The following DGLUCY variants were observed in gnomAD, a reference collection of about 807,000 sequenced individuals.
DGLUCY encodes D-glutamate cyclase.
A neutral mutation model predicts 58.5 loss-of-function variants in DGLUCY; 58 were observed. The observed-to-expected ratio is 0.99, with a 90% CI of 0.80 to 1.23. DGLUCY has a LOEUF of 1.23. Among genes scored for constraint, DGLUCY ranks in the 50% most tolerant of loss-of-function variants. DGLUCY has a pLI of 0.00. For missense variants in DGLUCY, 779 were observed against 784.7 expected (o/e 0.99, Z 0.09); for synonymous variants, 325 against 314.1 (o/e 1.03, Z -0.37).
chr14:91,195,389 A>C (rs2050139462), intron 9 of DGLUCY, among the ~76,000 whole-genome samples: 1 of 152,144 alleles, frequency 6.6e-6, no homozygotes, highest in Non-Finnish European at 1.5e-5. Context: ...TTGTCATTAG[A>C]AAAGGTCCTA....
chr14:91,060,639 C>T (rs946094126), exon 1 of DGLUCY: 2 of 625,208 alleles, frequency 3.2e-6, no homozygotes, highest in Non-Finnish European at 4.6e-6. Flanking sequence ...CCGCTAGTAC[C>T]GCGCAACCAA....
intron 4 of DGLUCY, 199 bp downstream of exon 4, chr14:91,167,577 G>A (rs1035663337): frequency 2.7e-6 from 2 of 752,294 alleles, no homozygotes; most frequent in Admixed American, 2.0e-5. Context: ...CCTGGCGCCT[G>A]TCCTGGCTGA....
At chr14:91,061,016 G>A (rs2043658246) in intron 1 of DGLUCY, 1 of 152,418 alleles carries the variant, frequency 6.6e-6, no homozygotes, top group South Asian at 2.0e-4. Context: ...GTGTCTAGTA[G>A]TCAGGAGGCG....
intron 8 of DGLUCY, among the ~76,000 whole-genome samples, 186 bp from the exon 9 acceptor site, chr14:91,188,724 G>C (rs927865640): frequency 1.3e-5 from 2 of 152,138 alleles, no homozygotes; most frequent in Non-Finnish European, 2.9e-5. Context: ...AGTTGTTCAG[G>C]AGGGTGAGGC....
At chr14:91,191,423 C>T (rs972870086) in intron 9 of DGLUCY, among the ~76,000 whole-genome samples, 1 of 152,102 alleles carries the variant, frequency 6.6e-6, no homozygotes, top group African/African-American at 2.4e-5. Context: ...CTGAACGATA[C>T]ACTTGAAAAT....
chr14:91,079,003 A>C (rs1417995306), intron 1 of DGLUCY, among the ~76,000 whole-genome samples: 5 of 151,930 alleles, frequency 3.3e-5, no homozygotes, highest in African/African-American at 1.2e-4. Flanking sequence ...TCCAGGATTC[A>C]AGCGATTCTC....
intron 6 of DGLUCY, 98 bp from the exon 7 acceptor site, chr14:91,175,836 T>G (rs1415363349): frequency 1.5e-5 from 21 of 1,385,012 alleles, no homozygotes; most frequent in Non-Finnish European, 2.0e-5. Context: ...ATCCTGCAAT[T>G]TGAGTTTCTG....
intron 13 of DGLUCY, chr14:91,223,742 C>T (rs1283901246): frequency 7.8e-7 from 1 of 1,282,536 alleles, no homozygotes; most frequent in Non-Finnish European, 1.0e-6. Context: ...ATAAAATCAA[C>T]CTCATTTTGT....
chr14:91,159,332 A>G (rs1381231717), intron 2 of DGLUCY, among the ~76,000 whole-genome samples: 1 of 152,082 alleles, frequency 6.6e-6, no homozygotes, highest in Non-Finnish European at 1.5e-5. Context: ...CTGTAATCCC[A>G]GATATTCAGG....
At chr14:91,219,949 A>T (rs1430152419) in intron 13 of DGLUCY, among the ~76,000 whole-genome samples, 1 of 152,202 alleles carries the variant, frequency 6.6e-6, no homozygotes, top group Non-Finnish European at 1.5e-5. Context: ...GCCTCCAAGG[A>T]TGAGGCCTCG....
intron 1 of DGLUCY, among the ~76,000 whole-genome samples, chr14:91,087,363 G>C: frequency 6.6e-6 from 1 of 152,262 alleles, no homozygotes; most frequent in East Asian, 1.9e-4. Flanking sequence ...CCTCTTCAAA[G>C]ACTTTCCTCC....
chr14:91,175,696 G>A (rs74869716), intron 6 of DGLUCY: 8,128 of 399,718 alleles, frequency 0.02, 131 homozygotes, highest in Non-Finnish European at 0.028. Context: ...CAGAAATCAC[G>A]CCACACAGTT....
intron 1 of DGLUCY, among the ~76,000 whole-genome samples, chr14:91,128,300 C>A (rs1191597340): frequency 5.1e-5 from 7 of 136,078 alleles, no homozygotes; most frequent in Admixed American, 3.9e-4. Context: ...TGGAGAAACC[C>A]CATCTCTACA....
At position 91,108,487 on chromosome 14, in the gene DGLUCY, T is replaced by TTGTGTGTG. The variant is rs34711327; in HGVS notation, c.-82+459_-82+466dup. 2.4e-3 allele frequency among the ~76,000 whole-genome samples: 177 copies of TTGTGTGTG among 74,890 alleles called. 3 individuals are homozygous for TTGTGTGTG. Among genetic ancestry groups the TTGTGTGTG allele is most frequent in the Middle Eastern group, 0.015 (2 of 136 alleles). The allele number at this position is 74,890 out of a possible 152,430, so 49.1% of individuals were successfully genotyped here. On this transcript the variant is annotated intron_variant, in intron 1 of 4. Transcript: ENST00000518871. ...GTCACTGGAAAGGCCCTTGAAGAAT[T>TTGTGTGTG]TGTGTGTGTGTGTGTGTGTGTGTGT...
At chr14:91,145,703 A>C (rs2046980390) in intron 1 of DGLUCY, among the ~76,000 whole-genome samples, 1 of 152,108 alleles carries the variant, frequency 6.6e-6, no homozygotes, top group African/African-American at 2.4e-5. Context: ...CTCTCTCAGC[A>C]CTTTACATAC....
At chr14:91,064,578 G>A (rs1345092005) in intron 1 of DGLUCY, among the ~76,000 whole-genome samples, 3 of 139,394 alleles carry the variant, frequency 2.2e-5, no homozygotes, top group Non-Finnish European at 3.0e-5. Context: ...AGCTGAGATC[G>A]CATCACTGCA....
At chr14:91,221,447 G>T (rs1887481971) in intron 13 of DGLUCY, among the ~76,000 whole-genome samples, 1 of 151,740 alleles carries the variant, frequency 6.6e-6, no homozygotes, top group African/African-American at 2.4e-5. Context: ...TGGATGGATG[G>T]GTGATGGATG....
chr14:91,069,799 C>CTTTTTTTTTTTTTTT (rs5810528), intron 1 of DGLUCY, among the ~76,000 whole-genome samples: 1 of 121,038 alleles, frequency 8.3e-6, no homozygotes, highest in Non-Finnish European at 1.7e-5. Flanking sequence ...TGATATGCCT[C>CTTTTTTTTTTTTTTT]TTTTTTTTTT....
chr14:91,089,726 C>G (rs938061630), intron 1 of DGLUCY, among the ~76,000 whole-genome samples: 1 of 151,086 alleles, frequency 6.6e-6, no homozygotes, highest in Non-Finnish European at 1.5e-5. Context: ...GAGGCTGATA[C>G]AGGAGAATCA....
Sources: gnomAD v4.1 joint callset for allele counts (sites outside exome capture counted in the v4.1 genomes callset) on GRCh38, gnomAD v4.1.1 for gene constraint, MANE v1.5 for transcripts, NCBI Gene and HGNC (gene_info 2026-07-23, HGNC 2026-07-21) for gene names.